The following CNGB3 variants were observed in gnomAD, a reference collection of about 807,000 sequenced individuals.
CNGB3 encodes cyclic nucleotide gated channel subunit beta 3.
In CNGB3, 86 loss-of-function variants were observed where a neutral mutation model predicts 92.8. The observed-to-expected ratio is 0.93, with a 90% CI of 0.78 to 1.11. The LOEUF (loss-of-function observed/expected upper bound fraction) is 1.11. CNGB3 is among the 50% of genes least tolerant of loss of function. CNGB3 has a pLI of 0.00. For synonymous variants in CNGB3, 333 were observed against 332.7 expected (o/e 1.00, Z -0.01); for missense variants, 1,026 against 956.8 (o/e 1.07, Z -0.95).
intron 3 of CNGB3, among the ~76,000 whole-genome samples, chr8:86,713,956 C>T (rs2131661360): frequency 6.6e-6 from 1 of 152,248 alleles, no homozygotes; most frequent in Admixed American, 6.5e-5. Context: ...ATAACCTTCC[C>T]CATTATCAAC....
In CNGB3 at chr8:86,643,844, A is replaced by C. The variant is rs1823240086; in HGVS notation, c.1085T>G (p.Phe362Cys). The C allele has an allele frequency of 1.2e-6, 2 of 1,607,210 alleles. No individual in the cohort carries two copies. Among genetic ancestry groups the C allele is most frequent in the Admixed American group, 3.4e-5 (2 of 59,532 alleles). Residue 362 changes from phenylalanine to cysteine, a missense_variant, in exon 10 of 18, where the codon TTT becomes TGT. By Grantham distance (205) the Phe-to-Cys change is radical. Transcript: ENST00000320005. Reference sequence around the variant, plus strand: ...AACACAGGCATTAATGTGCAGAATAAACAGCAAGTATCCAGTTGTTCGAAT... The same window carrying C: ...AACACAGGCATTAATGTGCAGAATACACAGCAAGTATCCAGTTGTTCGAAT... ...RVIRTTGYLL[F>C]ILHINACVYY...
At position 86,628,974 on chromosome 8, in the gene CNGB3, C is replaced by T. The variant is rs370600047; in HGVS notation, c.1425G>A (p.Val475=). 1 of 1,613,954 alleles carries T rather than the reference C, an allele frequency of 6.2e-7. No homozygotes were observed. The highest frequency in any genetic ancestry group is 8.5e-7 in the Non-Finnish European group (1 of 1,179,928). ...CATACCAAGTCCGAACTCGCTTTTGCACAAGTTTAGGAATGGAGTAATTGT... is the reference window on the plus strand; with the variant it reads ...CATACCAAGTCCGAACTCGCTTTTGTACAAGTTTAGGAATGGAGTAATTGT... ...YMNNYSIPKL[V]QKRVRTWYEY... The change falls in exon 12 of 18, where the codon GTG becomes GTA. Residue 475 remains valine (V), a synonymous_variant. Transcript: ENST00000320005.
chr8:86,616,591 G>T (rs964242814), intron 13 of CNGB3, among the ~76,000 whole-genome samples: 3 of 151,978 alleles, frequency 2.0e-5, no homozygotes, highest in Admixed American at 6.6e-5. Flanking sequence ...GAAATTTTCT[G>T]ATGTATGAAA....
intron 15 of CNGB3, among the ~76,000 whole-genome samples, chr8:86,582,163 G>C (rs75958665): frequency 0.012 from 1,758 of 152,232 alleles, 20 homozygotes; most frequent in East Asian, 0.071. Flanking sequence ...GGAAGGCTGA[G>C]ATGGGTGGAT....
At chr8:86,685,114 T>C (rs1824160557) in intron 3 of CNGB3, among the ~76,000 whole-genome samples, 1 of 152,126 alleles carries the variant, frequency 6.6e-6, no homozygotes, top group South Asian at 2.1e-4. Context: ...ATGTTACAAT[T>C]GGGGAAACTG....
intron 12 of CNGB3, 111 bp from the exon 13 acceptor site, chr8:86,626,191 T>C: frequency 1.3e-6 from 1 of 773,680 alleles, no homozygotes; most frequent in Non-Finnish European, 2.2e-6. Flanking sequence ...GCAAACACTT[T>C]TTATACATAA....
intron 10 of CNGB3, among the ~76,000 whole-genome samples, chr8:86,641,030 G>A (rs967496594): frequency 2.0e-5 from 3 of 151,972 alleles, no homozygotes; most frequent in Admixed American, 2.0e-4. Flanking sequence ...GATAAATTAG[G>A]TTTCAGTAAA....
intron 3 of CNGB3, among the ~76,000 whole-genome samples, chr8:86,711,442 T>C (rs186498940): frequency 2.0e-5 from 3 of 152,258 alleles, no homozygotes; most frequent in African/African-American, 7.2e-5. Context: ...TTAAGTACCA[T>C]GAAACAATAT....
intron 10 of CNGB3, among the ~76,000 whole-genome samples, chr8:86,636,778 CCTACT>C (rs1261691075): frequency 6.6e-6 from 1 of 151,994 alleles, no homozygotes; most frequent in Non-Finnish European, 1.5e-5. Flanking sequence ...TAACCCCCAT[CCTACT>C]CTCTACTACT....
At chr8:86,592,305 G>A (rs376161991) in intron 15 of CNGB3, among the ~76,000 whole-genome samples, 23 of 152,336 alleles carry the variant, frequency 1.5e-4, no homozygotes, top group South Asian at 1.2e-3. Flanking sequence ...CGTCTTCTGC[G>A]TCGCTCAGGC....
intron 7 of CNGB3, among the ~76,000 whole-genome samples, chr8:86,651,602 T>C (rs929047006): frequency 6.6e-6 from 1 of 151,878 alleles, no homozygotes; most frequent in Non-Finnish European, 1.5e-5. Flanking sequence ...ATCATAACGA[T>C]CTTTTTGCTT....
chr8:86,698,672 A>T (rs1824494839), intron 3 of CNGB3, among the ~76,000 whole-genome samples: 1 of 152,180 alleles, frequency 6.6e-6, no homozygotes, highest in African/African-American at 2.4e-5. Context: ...ACAGATTTAG[A>T]TGATAGAGTG....
chr8:86,590,018 TG>T (rs1821992006), intron 15 of CNGB3, among the ~76,000 whole-genome samples: 1 of 148,012 alleles, frequency 6.8e-6, no homozygotes, highest in Non-Finnish European at 1.5e-5. Context: ...TGAATCTGGG[TG>T]CTCCTGTATT....
chr8:86,638,477 C>T (rs1172538026), intron 10 of CNGB3, among the ~76,000 whole-genome samples: 1 of 151,994 alleles, frequency 6.6e-6, no homozygotes, highest in Non-Finnish European at 1.5e-5. Context: ...TAAAAGTACC[C>T]CTTCTATACT....
intron 6 of CNGB3, among the ~76,000 whole-genome samples, chr8:86,656,643 T>A (rs1018433624): frequency 2.6e-5 from 4 of 152,218 alleles, no homozygotes; most frequent in African/African-American, 9.7e-5. Context: ...CCTAAATCCT[T>A]TTCCAATAGA....
chr8:86,593,833 G>T (rs892059998), intron 15 of CNGB3: 19 of 1,035,476 alleles, frequency 1.8e-5, no homozygotes, highest in Non-Finnish European at 2.5e-5. Context: ...GGTCAGGGAA[G>T]TTGGTCAAAT....
At chr8:86,687,129 T>A (rs148550658) in intron 3 of CNGB3, among the ~76,000 whole-genome samples, 85 of 151,996 alleles carry the variant, frequency 5.6e-4, no homozygotes, top group African/African-American at 2.0e-3. Context: ...AAATGGACAA[T>A]AAGTGTTGGT....
At chr8:86,694,052 C>T (rs867265257) in intron 3 of CNGB3, among the ~76,000 whole-genome samples, 200 of 101,532 alleles carry the variant, frequency 2.0e-3, no homozygotes, top group Middle Eastern at 0.019. Context: ...ACCTCCCGGA[C>T]GGGGCGGCTG....
At position 86,667,111 on chromosome 8, in the gene CNGB3, G is replaced by A. The variant is rs371758459; in HGVS notation, c.666C>T (p.Leu222=). The change falls in exon 6 of 18, where the codon CTC becomes CTT. Residue 222 remains leucine, a synonymous_variant. Coordinates refer to ENST00000320005, the MANE Select transcript of CNGB3 (RefSeq NM_019098.5). ...AGTTATAGGCAAGAGTGACAAGCAA[G>A]AGCCACAGGAGATAGAGTCGATCTG... ...SYTDRLYLLW[L]LLVTLAYNWN... The A allele has an allele frequency of 2.5e-6, 4 of 1,614,096 alleles. No homozygotes were observed. Among genetic ancestry groups the A allele is most frequent in the Non-Finnish European group, 3.4e-6 (4 of 1,179,974 alleles).
Sources: gnomAD v4.1 joint callset for allele counts (sites outside exome capture counted in the v4.1 genomes callset) on GRCh38, gnomAD v4.1.1 for gene constraint, MANE v1.5 for transcripts, NCBI Gene and HGNC (gene_info 2026-07-23, HGNC 2026-07-21) for gene names.